SYNJ2BP: variants seen among roughly 807,000 people sequenced by gnomAD.
SYNJ2BP encodes synaptojanin-2-binding protein.
In SYNJ2BP, 10 loss-of-function variants were observed where a neutral mutation model predicts 16.9. The ratio of observed to expected loss-of-function variants is 0.59; its 90% confidence interval spans 0.36 to 1.00. The LOEUF (loss-of-function observed/expected upper bound fraction) is 1.00. SYNJ2BP is among the 50% of genes least tolerant of loss of function. The probability of loss-of-function intolerance (pLI) is 0.01; values close to 1 mark genes in which losing one functional copy is unlikely to be tolerated. For synonymous variants in SYNJ2BP, 54 were observed against 68.4 expected, an observed-to-expected ratio of 0.79 and a Z score of 1.04; for missense variants, 162 against 186.7, an observed-to-expected ratio of 0.87 and a Z score of 0.77.
At chr14:70,399,340 A>C (rs966320879) in intron 1 of SYNJ2BP, among the ~76,000 whole-genome samples, 1 of 152,178 alleles carries the variant, frequency 6.6e-6, no homozygotes, top group African/African-American at 2.4e-5. Context: ...AGCAGGCTCC[A>C]GTGGGGTTCC....
In SYNJ2BP at chr14:70,404,862, A is replaced by G. The variant is rs1243737745; in HGVS notation, c.64+12038T>C. ...TAAGGAGGGCCAGGTATAGCGGTTCACGCCTGTAATTCCAGCACTTTGGGA... is the reference window on the plus strand; with the variant it reads ...TAAGGAGGGCCAGGTATAGCGGTTCGCGCCTGTAATTCCAGCACTTTGGGA... On this transcript the variant is annotated intron_variant, in intron 1 of 3. Transcript: ENST00000256366. 2.0e-5 allele frequency among the ~76,000 whole-genome samples: 3 copies of G among 152,204 alleles called. 1 individual carries two copies. The highest frequency in any genetic ancestry group is 4.8e-5 in the African/African-American group (2 of 41,456).
In SYNJ2BP at chr14:70,369,631, A is replaced by G. The variant is rs1418439467; in HGVS notation, c.*3360T>C. ...AGAGTTATGAGACATGAAATAATGT[A>G]CCAATCAGAGTTTGGTACAGTCCCT... On this transcript the variant is annotated 3_prime_UTR_variant, in exon 4 of 4. Coordinates refer to ENST00000256366, the MANE Select transcript of SYNJ2BP (RefSeq NM_018373.3). 1.3e-5 allele frequency: 2 copies of G among 152,218 alleles called. No homozygotes were observed. Among genetic ancestry groups the G allele is most frequent in the Admixed American group, 1.3e-4 (2 of 15,282 alleles). The allele number at this position is 152,218 out of a possible 1,614,324, so 9.4% of individuals were successfully genotyped here. A position where few individuals can be genotyped will look rare whatever the true frequency, so the allele number is the denominator to read the frequency against.
At chr14:70,377,365 G>C (rs984341326) in intron 2 of SYNJ2BP, among the ~76,000 whole-genome samples, 1 of 152,092 alleles carries the variant, frequency 6.6e-6, no homozygotes, top group Admixed American at 6.6e-5. Context: ...TGGGAGAAAG[G>C]TATATTCTCA....
intron 1 of SYNJ2BP, among the ~76,000 whole-genome samples, chr14:70,412,220 T>C (rs941100056): frequency 2.0e-5 from 3 of 152,138 alleles, no homozygotes; most frequent in African/African-American, 7.2e-5. Flanking sequence ...GAATAAGGCA[T>C]GATATAATAA....
At chr14:70,390,009 C>T (rs189289909) in intron 1 of SYNJ2BP, among the ~76,000 whole-genome samples, 11 of 152,076 alleles carry the variant, frequency 7.2e-5, no homozygotes, top group Admixed American at 2.6e-4. Flanking sequence ...AAAATCTGTT[C>T]GGAGTAGATC....
rs1248059646 is a variant in SYNJ2BP at position 70,388,399 on chromosome 14, G to C, written c.201+71C>G. On this transcript the variant is annotated intron_variant, in intron 2 of 3. Coordinates refer to ENST00000256366, the MANE Select transcript of SYNJ2BP (RefSeq NM_018373.3). ...CAGATCCAAATCTTTTCAAGGAAAAGGGATAGGGAGGGGTAGGACCTAGGG... is the reference window on the plus strand; with the variant it reads ...CAGATCCAAATCTTTTCAAGGAAAACGGATAGGGAGGGGTAGGACCTAGGG... 2.9e-6 allele frequency: 4 copies of C among 1,399,680 alleles called. No homozygotes were observed. In the African/African-American group the frequency reaches 4.4e-5, roughly 16 times the overall value. The allele number at this position is 1,399,680 out of a possible 1,614,324, so 86.7% of individuals were successfully genotyped here.
In SYNJ2BP at chr14:70,387,346, G is replaced by GA. The variant is rs968482681; in HGVS notation, c.201+1123dup. On this transcript the variant is annotated intron_variant, in intron 2 of 3. Coordinates refer to ENST00000256366, the MANE Select transcript of SYNJ2BP (RefSeq NM_018373.3). ...TTACTGTGGCCCATGGTAAGGTAGA[G>GA]AAATGAACAATAGGGCCAGAGTTAT... 4.6e-4 allele frequency among the ~76,000 whole-genome samples: 70 copies of GA among 152,200 alleles called. 6 individuals are homozygous for GA.
chr14:70,414,409 AGATAT>A (rs1304842306), intron 1 of SYNJ2BP, among the ~76,000 whole-genome samples: 1 of 152,226 alleles, frequency 6.6e-6, no homozygotes, highest in African/African-American at 2.4e-5. Flanking sequence ...TATATTAGCT[AGATAT>A]AATTATTCCC....
At chr14:70,399,877 G>A (rs190371506) in intron 1 of SYNJ2BP, among the ~76,000 whole-genome samples, 26 of 152,248 alleles carry the variant, frequency 1.7e-4, no homozygotes, top group African/African-American at 6.0e-4. Context: ...CAGTAAAAGG[G>A]AGCCATCATC....
At chr14:70,393,947 T>G (rs1037323929) in intron 1 of SYNJ2BP, among the ~76,000 whole-genome samples, 2 of 135,490 alleles carry the variant, frequency 1.5e-5, no homozygotes, top group African/African-American at 5.7e-5. Flanking sequence ...TCAGCACATG[T>G]ATCTCAGAAC....
intron 1 of SYNJ2BP, among the ~76,000 whole-genome samples, chr14:70,416,328 T>C (rs2139458799): frequency 6.6e-6 from 1 of 151,676 alleles, no homozygotes; most frequent in South Asian, 2.1e-4. Flanking sequence ...TTTTTTTTTT[T>C]TTTTTTTAAA....
chr14:70,385,354 TATTTTATTTTA>T (rs1029464007), intron 2 of SYNJ2BP, among the ~76,000 whole-genome samples: 2 of 143,838 alleles, frequency 1.4e-5, no homozygotes, highest in Non-Finnish European at 2.9e-5. Flanking sequence ...ATTTTATTTT[TATTTTATTTTA>T]TTTTATTTTG....
At chr14:70,376,755 C>G (rs1280809400) in intron 2 of SYNJ2BP, among the ~76,000 whole-genome samples, 3 of 152,176 alleles carry the variant, frequency 2.0e-5, no homozygotes, top group Non-Finnish European at 4.4e-5. Context: ...GGAGCTAGGG[C>G]TAGGATTTGT....
intron 2 of SYNJ2BP, among the ~76,000 whole-genome samples, chr14:70,387,315 A>G (rs1280071791): frequency 6.6e-6 from 1 of 152,258 alleles, no homozygotes; most frequent in Non-Finnish European, 1.5e-5. Context: ...TGATAGTATC[A>G]TAGGATTACT....
intron 1 of SYNJ2BP, among the ~76,000 whole-genome samples, chr14:70,408,945 T>C (rs1317076621): frequency 6.6e-6 from 1 of 152,052 alleles, no homozygotes; most frequent in Non-Finnish European, 1.5e-5. Flanking sequence ...GCAATTCTCC[T>C]GCCTCAGCCT....
intron 1 of SYNJ2BP, among the ~76,000 whole-genome samples, chr14:70,400,764 T>C (rs2140858539): frequency 6.6e-6 from 1 of 152,370 alleles, no homozygotes; most frequent in East Asian, 1.9e-4. Context: ...TAGTCTCAAT[T>C]ACATGTTATA....
At chr14:70,398,871 T>G (rs1270081864) in intron 1 of SYNJ2BP, among the ~76,000 whole-genome samples, 1 of 152,104 alleles carries the variant, frequency 6.6e-6, no homozygotes, top group Non-Finnish European at 1.5e-5. Context: ...GCCCTGGCGC[T>G]GAGGGGTGGC....
intron 1 of SYNJ2BP, among the ~76,000 whole-genome samples, chr14:70,389,088 G>A (rs771454663): frequency 1.3e-5 from 2 of 152,008 alleles, no homozygotes; most frequent in African/African-American, 2.4e-5. Flanking sequence ...GATTACAGGT[G>A]TGAGCCACCA....
chr14:70,381,843 C>T (rs1292305093), intron 2 of SYNJ2BP, among the ~76,000 whole-genome samples: 1 of 152,224 alleles, frequency 6.6e-6, no homozygotes, highest in Non-Finnish European at 1.5e-5. Flanking sequence ...TTAATATACC[C>T]CTTTCTACAT....
Sources: allele counts gnomAD v4.1 joint callset (sites outside exome capture counted in the v4.1 genomes callset), GRCh38; gene constraint gnomAD v4.1.1; transcripts MANE v1.5; gene names NCBI Gene and HGNC (gene_info 2026-07-23, HGNC 2026-07-21).